The following ATE1 variants were observed in gnomAD, a reference collection of about 807,000 sequenced individuals.
ATE1 encodes the protein arginyl-tRNA--protein transferase 1.
Under a neutral mutation model 70.5 loss-of-function variants are expected in ATE1, and 36 were observed. That is an observed-to-expected ratio of 0.51 (90% CI 0.39 to 0.67). The LOEUF (loss-of-function observed/expected upper bound fraction) is 0.67, where lower values mean the gene tolerates loss of function less well. ATE1 is among the 30% of genes least tolerant of loss of function. ATE1 has a pLI of 0.00. For missense variants in ATE1, 593 were observed against 629.5 expected, an observed-to-expected ratio of 0.94 and a Z score of 0.62; for synonymous variants, 232 against 219.3, an observed-to-expected ratio of 1.06 and a Z score of -0.51.
intron 7 of ATE1, among the ~76,000 whole-genome samples, chr10:121,887,524 C>A (rs1008744592): frequency 1.7e-5 from 2 of 115,846 alleles, no homozygotes; most frequent in African/African-American, 6.6e-5. Flanking sequence ...GACAACACAG[C>A]AAGACGCCCC....
At chr10:121,910,804 C>A (rs374097783) in intron 5 of ATE1, 102 bp downstream of exon 5, 2 of 1,501,560 alleles carry the variant, frequency 1.3e-6, no homozygotes, top group Non-Finnish European at 1.8e-6. Flanking sequence ...ACAGACTGCA[C>A]GACTAAGTCA....
At chr10:121,884,646 G>A (rs1950325781) in intron 7 of ATE1, among the ~76,000 whole-genome samples, 1 of 152,120 alleles carries the variant, frequency 6.6e-6, no homozygotes, top group South Asian at 2.1e-4. Context: ...AGAAACGGAA[G>A]GAAAGAAAGA....
At chr10:121,800,085 T>A (rs1272644416) in intron 10 of ATE1, among the ~76,000 whole-genome samples, 1 of 152,200 alleles carries the variant, frequency 6.6e-6, no homozygotes, top group African/African-American at 2.4e-5. Flanking sequence ...CCTTTGGCCT[T>A]TATAAGAAGA....
At chr10:121,788,413 G>T (rs1946299675) in intron 11 of ATE1, among the ~76,000 whole-genome samples, 1 of 152,112 alleles carries the variant, frequency 6.6e-6, no homozygotes, top group Non-Finnish European at 1.5e-5. Flanking sequence ...GAGTCAGCTG[G>T]GTCCCTATGG....
chr10:121,890,747 T>C (rs1002191410), intron 7 of ATE1, among the ~76,000 whole-genome samples: 3 of 152,194 alleles, frequency 2.0e-5, no homozygotes, highest in Admixed American at 6.5e-5. Context: ...TAAAATCTCA[T>C]GTTTCTATCA....
chr10:121,860,780 T>C (rs1949438750), intron 8 of ATE1, among the ~76,000 whole-genome samples: 2 of 152,340 alleles, frequency 1.3e-5, no homozygotes, highest in East Asian at 3.9e-4. Flanking sequence ...AGTGAGGCAC[T>C]GTCAAAAAGG....
intron 10 of ATE1, among the ~76,000 whole-genome samples, chr10:121,813,231 A>G (rs970858433): frequency 6.6e-6 from 1 of 152,210 alleles, no homozygotes; most frequent in African/African-American, 2.4e-5. Context: ...CCACCTTAGA[A>G]ACAGAGGATG....
At chr10:121,912,168 G>A (rs1202429758) in intron 4 of ATE1, among the ~76,000 whole-genome samples, 1 of 152,048 alleles carries the variant, frequency 6.6e-6, no homozygotes, top group South Asian at 2.1e-4. Flanking sequence ...GGGACTACAG[G>A]TGTGAGCCAC....
rs567861806 is a variant in ATE1, at chr10:121,887,835, C to G, written c.942+12031G>C. Reference sequence around the variant, plus strand: ...GGTGAGAGGTAGGGAGTTGTGAATACAGAGAGAAATCTCTTCTTTACAGAG... The same window carrying G: ...GGTGAGAGGTAGGGAGTTGTGAATAGAGAGAGAAATCTCTTCTTTACAGAG... On this transcript the variant is annotated intron_variant, in intron 7 of 11. Transcript: ENST00000224652. Among the ~76,000 whole-genome samples the G allele has an allele frequency of 8.5e-5, 13 of 152,286 alleles. No homozygotes were observed. The East Asian group carries it at 2.5e-3, about 29-fold the overall frequency.
chr10:121,765,895 T>C (rs1467396105), intron 11 of ATE1, among the ~76,000 whole-genome samples: 2 of 152,174 alleles, frequency 1.3e-5, no homozygotes, highest in Non-Finnish European at 2.9e-5. Flanking sequence ...ACCAATAGAT[T>C]AACAATAGGT....
In ATE1 at chr10:121,924,342, G is replaced by A; in HGVS notation, c.107-13C>T. On this transcript the variant is annotated splice_polypyrimidine_tract_variant and intron_variant, in intron 1 of 11. Transcript: ENST00000224652. ...TGTGCCCACATGCCTGAAAAAATAA[G>A]TAGTGTGTTAATTACGGCAGGGTAA... The A allele has an allele frequency of 6.2e-7, 1 of 1,611,826 alleles. No homozygotes were observed. The highest frequency in any genetic ancestry group is 1.7e-5 in the Admixed American group (1 of 60,012).
At chr10:121,786,989 T>C (rs897908440) in intron 11 of ATE1, among the ~76,000 whole-genome samples, 5 of 152,304 alleles carry the variant, frequency 3.3e-5, no homozygotes, top group African/African-American at 4.8e-5. Context: ...AAGTCCTGCA[T>C]TGAAAAACAA....
At chr10:121,755,288 A>G (rs1944750981) in intron 11 of ATE1, among the ~76,000 whole-genome samples, 1 of 152,228 alleles carries the variant, frequency 6.6e-6, no homozygotes, top group Non-Finnish European at 1.5e-5. Context: ...TAATGTAAAA[A>G]AAAGTGTCCT....
chr10:121,745,607 G>A (rs1272375986), intron 11 of ATE1, among the ~76,000 whole-genome samples: 1 of 152,132 alleles, frequency 6.6e-6, no homozygotes, highest in Non-Finnish European at 1.5e-5. Context: ...GGCGCCTGTA[G>A]TCCCAGCTAC....
At chr10:121,912,039 C>T (rs1170528223) in intron 4 of ATE1, among the ~76,000 whole-genome samples, 1 of 151,980 alleles carries the variant, frequency 6.6e-6, no homozygotes, top group Non-Finnish European at 1.5e-5. Context: ...AACCACCATG[C>T]CCGGCCAAGC....
intron 7 of ATE1, among the ~76,000 whole-genome samples, chr10:121,890,429 T>A (rs1295128671): frequency 6.6e-6 from 1 of 152,040 alleles, no homozygotes; most frequent in Non-Finnish European, 1.5e-5. Context: ...AAATGACTCA[T>A]ACACAAAAAA....
At chr10:121,928,264 G>A (rs1050985991), upstream of ATE1, 1 of 1,427,062 alleles carries the variant, frequency 7.0e-7, no homozygotes, top group Non-Finnish European at 9.3e-7. Flanking sequence ...AGCGGGAGTC[G>A]GGGTGCGAGC....
At chr10:121,844,099 A>C (rs1948727855) in intron 8 of ATE1, among the ~76,000 whole-genome samples, 1 of 152,246 alleles carries the variant, frequency 6.6e-6, no homozygotes, top group South Asian at 2.1e-4. Flanking sequence ...CAAACTACCC[A>C]ATTAAAAAGT....
At chr10:121,891,134 G>C (rs752645419) in intron 7 of ATE1, among the ~76,000 whole-genome samples, 2 of 152,202 alleles carry the variant, frequency 1.3e-5, no homozygotes, top group Non-Finnish European at 2.9e-5. Flanking sequence ...AGCTGAGAAA[G>C]TGGGTTGCCC....
Sources: allele counts gnomAD v4.1 joint callset (sites outside exome capture counted in the v4.1 genomes callset), GRCh38; gene constraint gnomAD v4.1.1; transcripts MANE v1.5; gene names NCBI Gene and HGNC (gene_info 2026-07-23, HGNC 2026-07-21).